C5orf34: variants seen among roughly 807,000 people sequenced by gnomAD.
The protein encoded by C5orf34 is uncharacterized protein C5orf34.
In C5orf34, 73 loss-of-function variants were observed where a neutral mutation model predicts 78.4. That is an observed-to-expected ratio of 0.93 (90% CI 0.77 to 1.13). The LOEUF is 1.13. Among genes scored for constraint, C5orf34 ranks in the 50% most tolerant of loss-of-function variants. The pLI, the probability that C5orf34 is intolerant of heterozygous loss-of-function variation, is 0.00. For missense variants in C5orf34, 730 were observed against 732.7 expected (o/e 1.00, Z 0.04); for synonymous variants, 251 against 246.6 (o/e 1.02, Z -0.17).
In C5orf34 at chr5:43,509,247, G is replaced by A. The variant is rs1746118166; in HGVS notation, c.93C>T (p.Gly31=). The change falls in exon 2 of 13, where the codon GGC becomes GGT. Residue 31 remains glycine, a synonymous_variant. Transcript: ENST00000306862. ...GTGACTTTTCAAATAAAAATTCAGA[G>A]CCACAGGGAGAAAGTTGCAATGTGG... ...DGSTLQLSPC[G]SEFLFEKSPP... 2 of 1,613,996 alleles carry A rather than the reference G, an allele frequency of 1.2e-6. No homozygotes were observed. Among genetic ancestry groups the A allele is most frequent in the South Asian group, 1.1e-5 (1 of 91,076 alleles).
At chr5:43,507,820 T>C (rs1746057068) in intron 3 of C5orf34, among the ~76,000 whole-genome samples, 3 of 152,034 alleles carry the variant, frequency 2.0e-5, no homozygotes, top group Non-Finnish European at 4.4e-5. Flanking sequence ...GGCTCACGCC[T>C]GTAATCCCAG....
chr5:43,486,977 A>G lies in C5orf34; in HGVS notation c.1855T>C (p.Leu619=). Residue 619 remains leucine, a synonymous_variant, in exon 13 of 13, where the codon TTG becomes CTG. Coordinates refer to ENST00000306862, the MANE Select transcript of C5orf34 (RefSeq NM_198566.4). ...TGAAGGATTTCAGAGGTTTTTTTCA[A>G]TGCTATTGATACTCTATTTTCATTA... ...EVNENRVSIA[L]KKTSEILHDI... is the part of the protein sequence containing the mutation. 1 of 1,574,720 alleles carries G rather than the reference A, an allele frequency of 6.4e-7. No homozygotes were observed. The highest frequency in any genetic ancestry group is 1.2e-5 in the South Asian group (1 of 84,002).
At chr5:43,496,100 A>G in intron 6 of C5orf34, 5 of 1,468,816 alleles carry the variant, frequency 3.4e-6, no homozygotes, top group Non-Finnish European at 4.6e-6. Context: ...AAATTCGCCA[A>G]CACCAGCAGC....
chr5:43,500,138 C>A (rs1579867351), intron 6 of C5orf34, among the ~76,000 whole-genome samples: 4 of 152,254 alleles, frequency 2.6e-5, no homozygotes, highest in African/African-American at 9.6e-5. Flanking sequence ...TAGTTATTGG[C>A]AATTTGGTAA....
rs147291242 is a variant in C5orf34 at position 43,498,438 on chromosome 5, A to G, written c.1153-3837T>C. Among the ~76,000 whole-genome samples, 45 of 152,316 alleles carry G rather than the reference A, an allele frequency of 3.0e-4. 1 individual carries two copies. The highest frequency in any genetic ancestry group is 1.0e-3 in the African/African-American group (43 of 41,564). ...GTTGAGATATAGTTGAATTTTAATAATCTCAAATCCTTAATTGACATCTCA... is the reference window on the plus strand; with the variant it reads ...GTTGAGATATAGTTGAATTTTAATAGTCTCAAATCCTTAATTGACATCTCA... On this transcript the variant is annotated intron_variant, in intron 6 of 12. Transcript: ENST00000306862.
chr5:43,488,499 A>G (rs1256907873), intron 11 of C5orf34: 1 of 152,182 alleles, frequency 6.6e-6, no homozygotes, highest in Admixed American at 6.5e-5. Flanking sequence ...CCTCATTTAT[A>G]TGGAACTCTT....
chr5:43,503,853 T>C (rs750551196), intron 4 of C5orf34, 93 bp from the exon 5 acceptor site: 1 of 775,136 alleles, frequency 1.3e-6, no homozygotes, highest in Non-Finnish European at 2.2e-6. Context: ...ACAGGATTAA[T>C]TTCTTGTTTA....
Position 43,493,582 on chromosome 5 carries a change from A to C in C5orf34, c.1275T>G (p.Leu425=), listed in dbSNP as rs1389587695. 7 of 1,582,132 alleles carry C rather than the reference A, an allele frequency of 4.4e-6. No homozygotes were observed. Among genetic ancestry groups the C allele is most frequent in the Non-Finnish European group, 6.0e-6 (7 of 1,162,282 alleles). Residue 425 remains leucine (L), a synonymous_variant, in exon 8 of 13, where the codon CTT becomes CTG. Coordinates refer to ENST00000306862, the MANE Select transcript of C5orf34 (RefSeq NM_198566.4). ...RILQHCVKMR[L]SLSHNYRICC... ...ATATACGATAGTTATGGCTTAAAGA[A>C]AGTCTCATCTTCACACAATGTTGAA...
chr5:43,512,389 C>G (rs1746306318), intron 1 of C5orf34, among the ~76,000 whole-genome samples: 1 of 152,218 alleles, frequency 6.6e-6, no homozygotes, highest in African/African-American at 2.4e-5. Flanking sequence ...AGTATTCACT[C>G]ACTACCAACC....
intron 12 of C5orf34, among the ~76,000 whole-genome samples, chr5:43,487,326 A>C (rs780985632): frequency 2.6e-5 from 4 of 152,042 alleles, no homozygotes; most frequent in Admixed American, 6.5e-5. Context: ...TAGAGTGTGT[A>C]TGTGTGTGTT....
chr5:43,492,765 A>G lies in C5orf34; in HGVS notation c.1440T>C (p.Thr480=). The change falls in exon 9 of 13, where the codon ACT becomes ACC. Residue 480 remains threonine, a synonymous_variant. Transcript: ENST00000306862. ...AGCTGAAATTCCAATTTAGGGTTAG[A>G]GTAATGCCATCTAAAAAGATAGCAT... ...KVHAIFLDGI[T]LTLNWNFSSP... 1 of 1,613,298 alleles carries G rather than the reference A, an allele frequency of 6.2e-7. No homozygotes were observed.
chr5:43,507,816 C>T lies in C5orf34; in HGVS notation c.285+761G>A, dbSNP rs559193016. 1.2e-4 allele frequency among the ~76,000 whole-genome samples: 19 copies of T among 152,086 alleles called. No homozygotes were observed. The East Asian group carries it at 2.3e-3, about 19-fold the overall frequency. On this transcript the variant is annotated intron_variant, in intron 3 of 12. Coordinates refer to ENST00000306862, the MANE Select transcript of C5orf34 (RefSeq NM_198566.4). The stretch of plus-strand genomic sequence containing the variant: ...GCTGCCGGCCGGGCGCGGTGGCTCA[C>T]GCCTGTAATCCCAGCACTTTGGGAG...
At chr5:43,493,116 A>C (rs545298130) in intron 8 of C5orf34, among the ~76,000 whole-genome samples, 6 of 151,026 alleles carry the variant, frequency 4.0e-5, no homozygotes, top group Admixed American at 2.0e-4. Flanking sequence ...TGAACTTTAC[A>C]TCCATTATAG....
At chr5:43,492,586 A>G (rs1745327215) in intron 9 of C5orf34, 134 bp downstream of exon 9, 3 of 771,682 alleles carry the variant, frequency 3.9e-6, no homozygotes, top group East Asian at 2.6e-5. Context: ...AGGAAATCCA[A>G]AGAGATCAGT....
At position 43,502,390 on chromosome 5, in the gene C5orf34, A is replaced by C. The variant is rs1320171118; in HGVS notation, c.1134T>G (p.Ile378Met). The change falls in exon 6 of 13, where the codon ATT (isoleucine) becomes ATG (methionine). Residue 378 changes from isoleucine (I) to methionine (M), a missense_variant. Transcript: ENST00000306862. ...YFGNYFTYYS[I>M]QEGSGKREEK... ...GGCTTACCTTTCCTGATCCTTCTTG[A>C]ATAGAATAATAAGTAAAATAGTTCC... The C allele has an allele frequency of 1.2e-6, 2 of 1,611,982 alleles. No individual in the cohort carries two copies. Among genetic ancestry groups the C allele is most frequent in the South Asian group, 2.2e-5 (2 of 90,600 alleles).
chr5:43,486,823 AC>A lies in C5orf34; in HGVS notation c.*91del. The A allele has an allele frequency of 1.7e-6, 1 of 603,170 alleles. No individual in the cohort carries two copies. The highest frequency in any genetic ancestry group is 2.6e-6 in the Non-Finnish European group (1 of 380,640). 37.4% of individuals were successfully genotyped at this position (603,170 alleles called of 1,614,324 possible). A position where few individuals can be genotyped will look rare whatever the true frequency, so the allele number is the denominator to read the frequency against. On this transcript the variant is annotated 3_prime_UTR_variant, in exon 13 of 13. Coordinates refer to ENST00000306862, the MANE Select transcript of C5orf34 (RefSeq NM_198566.4). The stretch of plus-strand genomic sequence containing the variant: ...TTCACAATCATTGTGCCGGGGTAAT[AC>A]GTACAATATCTTGGCTTACTAGTAA...
At position 43,506,008 on chromosome 5, in the gene C5orf34, C is replaced by G; in HGVS notation, c.672G>C (p.Leu224=). ...ATGTGTGCTTTGTACCAGGCGAAGG[C>G]AGCTCTTCCCTCCCTTCAGTTCCAT... ...CVNGTEGREE[L]PSPGTKHTCV... The change falls in exon 4 of 13, where the codon CTG becomes CTC. Residue 224 remains leucine, a synonymous_variant. Coordinates refer to ENST00000306862, the MANE Select transcript of C5orf34 (RefSeq NM_198566.4). 6.2e-7 allele frequency: 1 copy of G among 1,614,186 alleles called. No homozygotes were observed. The highest frequency in any genetic ancestry group is 8.5e-7 in the Non-Finnish European group (1 of 1,180,036).
In C5orf34 at chr5:43,491,961, G is replaced by T. The variant is rs1307104791; in HGVS notation, c.1580+254C>A. Among the ~76,000 whole-genome samples, 4 of 143,888 alleles carry T rather than the reference G, an allele frequency of 2.8e-5. No homozygotes were observed. The East Asian group carries it at 8.1e-4, about 29-fold the overall frequency. 94.4% of individuals were successfully genotyped at this position (143,888 alleles called of 152,430 possible). On this transcript the variant is annotated intron_variant, in intron 10 of 12. Coordinates refer to ENST00000306862, the MANE Select transcript of C5orf34 (RefSeq NM_198566.4). The stretch of plus-strand genomic sequence containing the variant: ...GGAGGTTGTGGTGAGCCGAGATCGT[G>T]CCATTGTACTCCGGCCCAGGCCACA...
intron 10 of C5orf34, 86 bp downstream of exon 10, chr5:43,492,129 T>C: frequency 1.1e-6 from 1 of 890,322 alleles, no homozygotes; most frequent in Non-Finnish European, 1.8e-6. Context: ...TAAAAATATA[T>C]ATAACACTTA....
Sources: allele counts gnomAD v4.1 joint callset (sites outside exome capture counted in the v4.1 genomes callset), GRCh38; gene constraint gnomAD v4.1.1; transcripts MANE v1.5; gene names NCBI Gene and HGNC (gene_info 2026-07-23, HGNC 2026-07-21).